Variants in TNFAIP3 observed in about 807,000 individuals in gnomAD.
TNFAIP3 encodes tumor necrosis factor alpha-induced protein 3.
TNFAIP3 carries 9 observed loss-of-function variants against 72.4 expected under a neutral mutation model. That is an observed-to-expected ratio of 0.12 (90% CI 0.07 to 0.22). TNFAIP3 has a LOEUF of 0.22. TNFAIP3 is among the 10% of genes least tolerant of loss of function. The pLI, the probability that TNFAIP3 is intolerant of heterozygous loss-of-function variation, is 1.00. For synonymous variants in TNFAIP3, 339 were observed against 372.6 expected, an observed-to-expected ratio of 0.91 and a Z score of 1.04; for missense variants, 833 against 1,018.7, an observed-to-expected ratio of 0.82 and a Z score of 2.48.
chr6:137,874,902 C>T lies in TNFAIP3; in HGVS notation c.353C>T (p.Thr118Ile). The T allele has an allele frequency of 6.2e-7, 1 of 1,614,242 alleles. No individual in the cohort carries two copies. Among genetic ancestry groups the T allele is most frequent in the Non-Finnish European group, 8.5e-7 (1 of 1,180,042 alleles). The change falls in exon 3 of 9, where the codon ACA becomes ATA. Residue 118 changes from threonine (T) to isoleucine (I), a missense_variant. By Grantham distance (89) the Thr-to-Ile change is moderately conservative (BLOSUM62 -1). Transcript: ENST00000612899. ...CAGTACATGTGGGGCGTTCAGGACA[C>T]AGACTTGGTACTGAGGAAGGCGCTG... is the stretch of plus-strand genomic sequence containing the variant. ...TSQYMWGVQD[T>I]DLVLRKALFS...
chr6:137,879,429 G>C, intron 7 of TNFAIP3, 78 bp downstream of exon 7: 1 of 1,469,792 alleles, frequency 6.8e-7, no homozygotes, highest in Non-Finnish European at 9.2e-7. Flanking sequence ...AAGAAAAAAA[G>C]CCCATGTAGG....
In TNFAIP3 at chr6:137,881,746, C is replaced by T. The variant is rs1009371329; in HGVS notation, c.*427C>T. On this transcript the variant is annotated 3_prime_UTR_variant, in exon 9 of 9. Coordinates refer to ENST00000612899, the MANE Select transcript of TNFAIP3 (RefSeq NM_001270508.2). This position sits in a 1 kb window ranked among gnomAD's most constrained non-coding sequence, Gnocchi z 5.0. ...CCAGAGCCATTCCACCTCCCCTCCC[C>T]CAGCATCTCTCAGAGATGTGAAGCC... is the stretch of plus-strand genomic sequence containing the variant. 1.3e-5 allele frequency: 3 copies of T among 239,446 alleles called. No homozygotes were observed. Among genetic ancestry groups the T allele is most frequent in the African/African-American group, 2.2e-5 (1 of 45,648 alleles). The allele number at this position is 239,446 out of a possible 1,614,324, so 14.8% of individuals were successfully genotyped here.
Position 137,881,527 on chromosome 6 carries a change from TTG to T in TNFAIP3, c.*210_*211del, listed in dbSNP as rs1776463942. The stretch of plus-strand genomic sequence containing the variant: ...CCCAGGTGGCCTTAGAAAGCAAAGC[TTG>T]TAACTGGCAAGGGATGATGTCAGAT... On this transcript the variant is annotated 3_prime_UTR_variant, in exon 9 of 9. Coordinates refer to ENST00000612899, the MANE Select transcript of TNFAIP3 (RefSeq NM_001270508.2). This position sits in a 1 kb window ranked among gnomAD's most constrained non-coding sequence, Gnocchi z 5.0. The T allele has an allele frequency of 2.1e-6, 1 of 473,010 alleles. No individual in the cohort carries two copies. Among genetic ancestry groups the T allele is most frequent in the African/African-American group, 2.0e-5 (1 of 50,172 alleles). 29.3% of individuals were successfully genotyped at this position (473,010 alleles called of 1,614,324 possible). A position where few individuals can be genotyped will look rare whatever the true frequency, so the allele number is the denominator to read the frequency against.
chr6:137,875,205 A>G (rs1394277317), intron 3 of TNFAIP3, among the ~76,000 whole-genome samples, 170 bp downstream of exon 3: 1 of 152,240 alleles, frequency 6.6e-6, no homozygotes, highest in East Asian at 1.9e-4. Flanking sequence ...GACTCACCCA[A>G]GGCTTTTGCC....
At chr6:137,873,283 T>C (rs1183870216) in intron 2 of TNFAIP3, among the ~76,000 whole-genome samples, 1 of 152,098 alleles carries the variant, frequency 6.6e-6, no homozygotes, top group Non-Finnish European at 1.5e-5. Context: ...CAATATCTGT[T>C]TGGGGAGGGG....
At chr6:137,869,341 G>A (rs75412143) in intron 1 of TNFAIP3, among the ~76,000 whole-genome samples, 4 of 128,812 alleles carry the variant, frequency 3.1e-5, no homozygotes, top group African/African-American at 9.1e-5. Context: ...ATGGATAGAT[G>A]GATGGATGGA....
intron 2 of TNFAIP3, among the ~76,000 whole-genome samples, chr6:137,872,105 A>G (rs1776083719): frequency 1.3e-5 from 2 of 152,190 alleles, no homozygotes; most frequent in South Asian, 4.1e-4. Flanking sequence ...TGAGATTTTT[A>G]GCATGAATTT....
chr6:137,872,559 CTT>C (rs1458780420), intron 2 of TNFAIP3, among the ~76,000 whole-genome samples: 3 of 152,100 alleles, frequency 2.0e-5, no homozygotes, highest in Non-Finnish European at 2.9e-5. Context: ...CTTTTTTTGA[CTT>C]GGGTAACTTA....
In TNFAIP3 at chr6:137,871,720, T is replaced by C. The variant is rs1699815898; in HGVS notation, c.295+198T>C. On this transcript the variant is annotated intron_variant, in intron 2 of 8. Transcript: ENST00000612899. The surrounding 1 kb of genome is among the most constrained non-coding windows in gnomAD (Gnocchi z 4.2). ...TTGTGAATCTATTTATTAAGGATATTTTCTGATTGTGTATATTGCAGAGCA... is the reference window on the plus strand; with the variant it reads ...TTGTGAATCTATTTATTAAGGATATCTTCTGATTGTGTATATTGCAGAGCA... Among the ~76,000 whole-genome samples the C allele has an allele frequency of 6.6e-6, 1 of 152,238 alleles. No individual in the cohort carries two copies. Among genetic ancestry groups the C allele is most frequent in the Non-Finnish European group, 1.5e-5 (1 of 68,042 alleles).
chr6:137,875,644 G>C (rs199833786), intron 3 of TNFAIP3, 44 bp from the exon 4 acceptor site: 95 of 1,609,668 alleles, frequency 5.9e-5, no homozygotes, highest in Non-Finnish European at 7.6e-5. Flanking sequence ...AGTACAGGGA[G>C]TACAGGATAC....
At position 137,877,067 on chromosome 6, in the gene TNFAIP3, T is replaced by C. The variant is rs1351254131; in HGVS notation, c.806-9T>C. 6.3e-7 allele frequency: 1 copy of C among 1,577,670 alleles called. No homozygotes were observed. The highest frequency in any genetic ancestry group is 8.6e-7 in the Non-Finnish European group (1 of 1,161,628). On this transcript the variant is annotated splice_polypyrimidine_tract_variant and intron_variant, in intron 5 of 8. Coordinates refer to ENST00000612899, the MANE Select transcript of TNFAIP3 (RefSeq NM_001270508.2). ...TACTGTTTTACTTATGTATTATTTT[T>C]TTCCTTAGAAATCCGAGCTGTTCCA...
chr6:137,870,666 C>G (rs1776027551), intron 1 of TNFAIP3, among the ~76,000 whole-genome samples: 1 of 152,168 alleles, frequency 6.6e-6, no homozygotes, highest in Non-Finnish European at 1.5e-5. Context: ...CATAAAATTG[C>G]AAGATTTTTC....
intron 1 of TNFAIP3, among the ~76,000 whole-genome samples, chr6:137,869,380 C>CGGAA (rs1196819357): frequency 9.3e-6 from 1 of 108,008 alleles, no homozygotes; most frequent in Non-Finnish European, 1.9e-5. Context: ...GATGGATGGA[C>CGGAA]GGACGGACGG....
chr6:137,870,060 G>A (rs1776005500), intron 1 of TNFAIP3, among the ~76,000 whole-genome samples: 1 of 152,136 alleles, frequency 6.6e-6, no homozygotes, highest in African/African-American at 2.4e-5. Context: ...TTGCCAGAGT[G>A]GCCTCCTGGT....
chr6:137,869,640 C>G (rs1775990005), intron 1 of TNFAIP3, among the ~76,000 whole-genome samples: 1 of 152,142 alleles, frequency 6.6e-6, no homozygotes, highest in Admixed American at 6.5e-5. Context: ...CTAGTCCAAC[C>G]TCTCTCCTTT....
chr6:137,867,080 C>A (rs995508915), upstream of TNFAIP3: 1 of 138,204 alleles, frequency 7.2e-6, no homozygotes, highest in Non-Finnish European at 1.6e-5. The surrounding 1 kb of genome is among the most constrained non-coding windows in gnomAD (Gnocchi z 6.0). Flanking sequence ...GGGGGCGGGG[C>A]GGGGCCCGCA....
In TNFAIP3 at chr6:137,882,037, C is replaced by G. The variant is rs1345635285; in HGVS notation, c.*718C>G. 1 of 231,132 alleles carries G rather than the reference C, an allele frequency of 4.3e-6. No homozygotes were observed. The allele number at this position is 231,132 out of a possible 1,614,324, so 14.3% of individuals were successfully genotyped here. A position where few individuals can be genotyped will look rare whatever the true frequency, so the allele number is the denominator to read the frequency against. Reference sequence around the variant, plus strand: ...AATATTTTACTGGGAAGACGTGTAACTCTTTGGGTTATTACTGTCTTTACT... The same window carrying G: ...AATATTTTACTGGGAAGACGTGTAAGTCTTTGGGTTATTACTGTCTTTACT... On this transcript the variant is annotated 3_prime_UTR_variant, in exon 9 of 9. Transcript: ENST00000612899.
intron 3 of TNFAIP3, 86 bp downstream of exon 3, chr6:137,875,121 A>G: frequency 5.4e-6 from 8 of 1,472,786 alleles, no homozygotes; most frequent in Non-Finnish European, 7.5e-6. Context: ...CTCTGGTAGC[A>G]TCTGATGGAC....
Position 137,878,830 on chromosome 6 carries a change from C to T in TNFAIP3, c.1385C>T (p.Pro462Leu), listed in dbSNP as rs1430533454. Residue 462 changes from proline (P) to leucine (L), a missense_variant, in exon 7 of 9, where the codon CCG (proline) becomes CTG (leucine). By Grantham distance (98) the Pro-to-Leu change is moderately conservative. Around this residue, in one of 2 missense-constraint regions of TNFAIP3, gnomAD observed 587 missense variants for 657.8 expected, o/e 0.89. Transcript: ENST00000612899. ...ESTGGPHSAP[P>L]TAPSPFLFSE... Reference sequence around the variant, plus strand: ...ACTGGGGGGCCTCATTCGGCCCCACCGACAGCACCCAGCCCTTTTCTGTTC... The same window carrying T: ...ACTGGGGGGCCTCATTCGGCCCCACTGACAGCACCCAGCCCTTTTCTGTTC... 6 of 1,614,084 alleles carry T rather than the reference C, an allele frequency of 3.7e-6. No individual in the cohort carries two copies. Among genetic ancestry groups the T allele is most frequent in the East Asian group, 2.2e-5 (1 of 44,878 alleles).
Sources: allele counts gnomAD v4.1 joint callset (sites outside exome capture counted in the v4.1 genomes callset), GRCh38; gene constraint gnomAD v4.1.1; regional missense constraint gnomAD v4.1.1; non-coding constraint Gnocchi (gnomAD v3.1); transcripts MANE v1.5; gene names NCBI Gene and HGNC (gene_info 2026-07-23, HGNC 2026-07-21).